SYT2: variants seen among roughly 807,000 people sequenced by gnomAD.
The protein encoded by SYT2 is synaptotagmin 2.
SYT2 carries 15 observed loss-of-function variants against 39.9 expected under a neutral mutation model. The observed-to-expected ratio is 0.38, with a 90% CI of 0.25 to 0.58. The LOEUF is 0.58. Ranked by LOEUF, SYT2 falls within the 20% of genes least tolerant of loss-of-function variation. The probability of loss-of-function intolerance (pLI) is 0.70; values close to 1 mark genes in which losing one functional copy is unlikely to be tolerated. For missense variants in SYT2, 389 were observed against 530.3 expected (o/e 0.73, Z 2.62); for synonymous variants, 181 against 204.5 (o/e 0.89, Z 0.98).
At chr1:202,671,500 T>C (rs1286218067) in intron 1 of SYT2, among the ~76,000 whole-genome samples, 1 of 152,234 alleles carries the variant, frequency 6.6e-6, no homozygotes, top group Non-Finnish European at 1.5e-5. Flanking sequence ...GAGGAAATGC[T>C]GGGCCCAAAT....
chr1:202,709,806 G>A (rs1654348123), intron 1 of SYT2, among the ~76,000 whole-genome samples: 1 of 152,116 alleles, frequency 6.6e-6, no homozygotes, highest in Non-Finnish European at 1.5e-5. Flanking sequence ...CGACGGCGGT[G>A]CCAGGGGTCC....
chr1:202,617,006 A>G (rs1691060463), intron 1 of SYT2, among the ~76,000 whole-genome samples: 1 of 152,234 alleles, frequency 6.6e-6, no homozygotes, highest in Admixed American at 6.5e-5. Flanking sequence ...CATGTCGCCA[A>G]AAATGAAAAG....
intron 1 of SYT2, among the ~76,000 whole-genome samples, chr1:202,650,303 C>T (rs1692165860): frequency 6.6e-6 from 1 of 152,218 alleles, no homozygotes; most frequent in Non-Finnish European, 1.5e-5. Flanking sequence ...CAGAAAGGGT[C>T]ATGTGCTTGC....
intron 8 of SYT2, among the ~76,000 whole-genome samples, chr1:202,597,670 T>A (rs1690345926): frequency 6.6e-6 from 1 of 151,808 alleles, no homozygotes; most frequent in Non-Finnish European, 1.5e-5. Flanking sequence ...AGAAAAGGAG[T>A]GTCGTGGACA....
Position 202,602,513 on chromosome 1 carries a change from C to T in SYT2, c.498G>A (p.Leu166=). 6.2e-7 allele frequency: 1 copy of T among 1,613,652 alleles called. No individual in the cohort carries two copies. Among genetic ancestry groups the T allele is most frequent in the Non-Finnish European group, 8.5e-7 (1 of 1,179,914 alleles). ...LTVGVLQAAE[L]PALDMGGTSD... ...AGGTGCCTCCCATGTCCAGGGCAGG[C>T]AGTTCAGCAGCCTGCAGAACGCCCA... The change falls in exon 5 of 9, where the codon CTG becomes CTA. Residue 166 remains leucine (L), a synonymous_variant. Coordinates refer to ENST00000367268, the MANE Select transcript of SYT2 (RefSeq NM_177402.5).
At position 202,597,261 on chromosome 1, in the gene SYT2, A is replaced by G. The variant is rs112919695; in HGVS notation, c.1054-298T>C. Among the ~76,000 whole-genome samples, 733 of 152,326 alleles carry G rather than the reference A, an allele frequency of 4.8e-3. 6 individuals carry two copies. Among genetic ancestry groups the G allele is most frequent in the African/African-American group, 0.017 (699 of 41,578 alleles). ...TGAAAAGATGAATTTCACTTCCTCA[A>G]TGAGATCAGCAGACATGTAACTGAA... On this transcript the variant is annotated intron_variant, in intron 8 of 8. Coordinates refer to ENST00000367268, the MANE Select transcript of SYT2 (RefSeq NM_177402.5).
At chr1:202,665,890 A>C (rs1424252964) in intron 1 of SYT2, among the ~76,000 whole-genome samples, 1 of 152,228 alleles carries the variant, frequency 6.6e-6, no homozygotes, top group African/African-American at 2.4e-5. Context: ...GCTGTGGCTC[A>C]CACCTGTAAT....
chr1:202,651,016 C>T (rs1376604346), intron 1 of SYT2, among the ~76,000 whole-genome samples: 2 of 151,978 alleles, frequency 1.3e-5, no homozygotes, highest in Admixed American at 6.6e-5. Flanking sequence ...GGCATTGGAG[C>T]CTGGATGCGA....
At chr1:202,656,387 G>A (rs894060648) in intron 1 of SYT2, among the ~76,000 whole-genome samples, 2 of 152,170 alleles carry the variant, frequency 1.3e-5, no homozygotes, top group African/African-American at 4.8e-5. Context: ...CAGGAGTGGT[G>A]CAAGCCTCTG....
intron 1 of SYT2, among the ~76,000 whole-genome samples, chr1:202,631,044 C>A (rs1239041661): frequency 3.3e-5 from 5 of 152,348 alleles, no homozygotes; most frequent in Non-Finnish European, 7.4e-5. Flanking sequence ...AAGGTCCACA[C>A]ATAGCACATA....
At position 202,633,501 on chromosome 1, in the gene SYT2, C is replaced by T. The variant is rs190841820; in HGVS notation, c.-17-27712G>A. On this transcript the variant is annotated intron_variant, in intron 1 of 8. Transcript: ENST00000367268. The stretch of plus-strand genomic sequence containing the variant: ...TCCTCCCCTCTCCCCATCTTCATCC[C>T]ACTCAGCCCCTACCTGGCCTTTAAC... 3.3e-5 allele frequency among the ~76,000 whole-genome samples: 5 copies of T among 152,278 alleles called. No homozygotes were observed. In the East Asian group the frequency reaches 9.7e-4, roughly 29 times the overall value.
intron 2 of SYT2, 46 bp from the exon 3 acceptor site, chr1:202,604,667 C>T (rs778096958): frequency 1.3e-6 from 2 of 1,584,110 alleles, no homozygotes; most frequent in Admixed American, 1.7e-5. Context: ...CCATGCCTTG[C>T]AGCCCCTGAC....
intron 1 of SYT2, among the ~76,000 whole-genome samples, chr1:202,673,844 A>G (rs1463497582): frequency 6.6e-6 from 1 of 152,230 alleles, no homozygotes; most frequent in Non-Finnish European, 1.5e-5. Context: ...TCAACAGAGA[A>G]GACAATTCCT....
chr1:202,656,447 ATGG>A (rs1276915654), intron 1 of SYT2, among the ~76,000 whole-genome samples: 1 of 152,190 alleles, frequency 6.6e-6, no homozygotes, highest in Non-Finnish European at 1.5e-5. Context: ...GGAGCCAAGG[ATGG>A]TAGAGTGCAA....
chr1:202,695,654 T>C (rs976711588), intron 1 of SYT2, among the ~76,000 whole-genome samples: 5 of 152,218 alleles, frequency 3.3e-5, no homozygotes, highest in African/African-American at 4.8e-5. Context: ...CAAGGGGACC[T>C]GGCATCTTCC....
intron 1 of SYT2, among the ~76,000 whole-genome samples, chr1:202,649,132 G>A (rs898819912): frequency 3.9e-5 from 6 of 152,232 alleles, no homozygotes; most frequent in Admixed American, 2.0e-4. Context: ...ACATCAGCAG[G>A]AGGAGCAGGG....
At chr1:202,650,437 TTTG>T (rs1490744187) in intron 1 of SYT2, among the ~76,000 whole-genome samples, 2 of 149,302 alleles carry the variant, frequency 1.3e-5, no homozygotes, top group African/African-American at 5.0e-5. Context: ...TTCATATGCT[TTTG>T]TTTTTTTTTT....
intron 1 of SYT2, chr1:202,639,758 C>T (rs1320865551): frequency 1.7e-5 from 17 of 985,442 alleles, no homozygotes; most frequent in Non-Finnish European, 1.9e-5. Flanking sequence ...GGCCCCATGA[C>T]GAAGACTAGA....
intron 1 of SYT2, among the ~76,000 whole-genome samples, chr1:202,705,287 C>T (rs1654220034): frequency 6.6e-6 from 1 of 152,242 alleles, no homozygotes; most frequent in South Asian, 2.1e-4. Flanking sequence ...ATGGCGTAGC[C>T]GAGGACTGCA....
Sources: allele counts gnomAD v4.1 joint callset (sites outside exome capture counted in the v4.1 genomes callset), GRCh38; gene constraint gnomAD v4.1.1; transcripts MANE v1.5; gene names NCBI Gene and HGNC (gene_info 2026-07-23, HGNC 2026-07-21).